Variants in SERPINA5 observed in about 807,000 individuals in gnomAD.
SERPINA5 encodes the protein plasma serine protease inhibitor.
Under a neutral mutation model 25.3 loss-of-function variants are expected in SERPINA5, and 25 were observed. That is an observed-to-expected ratio of 0.99 (90% CI 0.72 to 1.38). SERPINA5 has a LOEUF of 1.38. Ranked by LOEUF, SERPINA5 falls within the 40% of genes most tolerant of loss-of-function variation. The pLI, the probability that SERPINA5 is intolerant of heterozygous loss-of-function variation, is 0.00. For missense variants in SERPINA5, 599 were observed against 509.5 expected (o/e 1.18, Z -1.69); for synonymous variants, 234 against 206.2 (o/e 1.14, Z -1.16).
Position 94,592,451 on chromosome 14 carries a change from C to A in SERPINA5, c.*212C>A. 1 of 523,354 alleles carries A rather than the reference C, an allele frequency of 1.9e-6. No homozygotes were observed. The highest frequency in any genetic ancestry group is 3.3e-6 in the Non-Finnish European group (1 of 299,086). 32.4% of individuals were successfully genotyped at this position (523,354 alleles called of 1,614,324 possible). On this transcript the variant is annotated 3_prime_UTR_variant, in exon 6 of 6. Coordinates refer to ENST00000329597, the MANE Select transcript of SERPINA5 (RefSeq NM_000624.6). Reference sequence around the variant, plus strand: ...AAATGTGGAGAACATTCAATCTTGCCGTCACTATTCATCAATGAAGATTAA... The same window carrying A: ...AAATGTGGAGAACATTCAATCTTGCAGTCACTATTCATCAATGAAGATTAA...
At chr14:94,586,163 C>A (rs891631234) in intron 2 of SERPINA5, among the ~76,000 whole-genome samples, 1 of 152,126 alleles carries the variant, frequency 6.6e-6, no homozygotes, top group Admixed American at 6.5e-5. Flanking sequence ...AAGAGGAGGA[C>A]TGAAGGCCAA....
At chr14:94,589,599 T>C (rs932833177) in intron 3 of SERPINA5, among the ~76,000 whole-genome samples, 6 of 152,224 alleles carry the variant, frequency 3.9e-5, no homozygotes, top group Non-Finnish European at 1.5e-5. Context: ...AAACCATTCA[T>C]TTCCAGGATC....
At chr14:94,591,766 T>A (rs553603816) in intron 5 of SERPINA5, among the ~76,000 whole-genome samples, 52 of 152,224 alleles carry the variant, frequency 3.4e-4, no homozygotes, top group African/African-American at 1.2e-3. Flanking sequence ...AGCTATGTGA[T>A]CTCCAAAAAA....
At chr14:94,588,027 T>C (rs1452895050) in intron 3 of SERPINA5, 46 bp downstream of exon 3, 3 of 1,572,420 alleles carry the variant, frequency 1.9e-6, no homozygotes, top group Non-Finnish European at 2.6e-6. Flanking sequence ...GCTTTTCTGC[T>C]GCTTTTATCT....
chr14:94,588,236 G>T (rs900345680), intron 3 of SERPINA5, among the ~76,000 whole-genome samples: 2 of 152,046 alleles, frequency 1.3e-5, no homozygotes, highest in African/African-American at 2.4e-5. Flanking sequence ...GGGCCCCTGG[G>T]GACATCTGAA....
chr14:94,588,980 T>C (rs1246406172), intron 3 of SERPINA5, among the ~76,000 whole-genome samples: 2 of 152,130 alleles, frequency 1.3e-5, no homozygotes, highest in Non-Finnish European at 2.9e-5. Context: ...TTTCAACATA[T>C]GAACAATGTG....
intron 3 of SERPINA5, 58 bp from the exon 4 acceptor site, chr14:94,589,983 G>A (rs1355453152): frequency 1.2e-5 from 18 of 1,486,648 alleles, no homozygotes; most frequent in Non-Finnish European, 1.5e-5. Context: ...ATTTGCAGCT[G>A]AGAATTTCTA....
chr14:94,587,214 C>A, intron 2 of SERPINA5, 132 bp from the exon 3 acceptor site: 1 of 801,074 alleles, frequency 1.2e-6, no homozygotes, highest in Non-Finnish European at 2.0e-6. Context: ...CCCAGTCTTG[C>A]GGGTGCCATC....
chr14:94,590,221 T>G lies in SERPINA5; in HGVS notation c.800T>G (p.Phe267Cys). The stretch of plus-strand genomic sequence containing the variant: ...TACCAAGGCAATGCCACGGCTTTGT[T>G]CATTCTCCCCAGTGAGGGAAAGATG... ...VPYQGNATAL[F>C]ILPSEGKMQQ... The change falls in exon 4 of 6, where the codon TTC becomes TGC. Residue 267 changes from phenylalanine to cysteine, a missense_variant. Coordinates refer to ENST00000329597, the MANE Select transcript of SERPINA5 (RefSeq NM_000624.6). 6.2e-7 allele frequency: 1 copy of G among 1,614,050 alleles called. No homozygotes were observed. Among genetic ancestry groups the G allele is most frequent in the Non-Finnish European group, 8.5e-7 (1 of 1,179,932 alleles).
chr14:94,583,958 C>T (rs1011966621), intron 2 of SERPINA5, among the ~76,000 whole-genome samples: 28 of 152,178 alleles, frequency 1.8e-4, no homozygotes, highest in African/African-American at 5.5e-4. Flanking sequence ...AACTAAGAAA[C>T]GTAAAACAAG....
rs531284926 is a variant in SERPINA5, at chr14:94,581,649, C to G, written c.-79C>G. 1.3e-5 allele frequency: 2 copies of G among 152,322 alleles called. No homozygotes were observed. Among genetic ancestry groups the G allele is most frequent in the African/African-American group, 4.8e-5 (2 of 41,560 alleles). The allele number at this position is 152,322 out of a possible 1,614,324, so 9.4% of individuals were successfully genotyped here. A position where few individuals can be genotyped will look rare whatever the true frequency, so the allele number is the denominator to read the frequency against. On this transcript the variant is annotated 5_prime_UTR_variant, in exon 2 of 6. Coordinates refer to ENST00000329597, the MANE Select transcript of SERPINA5 (RefSeq NM_000624.6). ...TCCAAGGCAGCAGAGGTGAGTGGGT[C>G]CCCCGAGCTCTGTGACCTTATGCTC...
intron 2 of SERPINA5, among the ~76,000 whole-genome samples, chr14:94,583,041 A>G (rs1884963359): frequency 6.6e-6 from 1 of 152,148 alleles, no homozygotes; most frequent in Non-Finnish European, 1.5e-5. Flanking sequence ...AGAAACTGGG[A>G]AAAGAAGAGT....
In SERPINA5 at chr14:94,587,916, TG is replaced by T. The variant is rs753140193; in HGVS notation, c.556del (p.Asp186ThrfsTer12). The T allele has an allele frequency of 5.0e-6, 8 of 1,614,240 alleles. No individual in the cohort carries two copies. The highest frequency in any genetic ancestry group is 6.8e-6 in the Non-Finnish European group (8 of 1,180,050). On this transcript the variant is annotated frameshift_variant, in exon 3 of 6. Coordinates refer to ENST00000329597, the MANE Select transcript of SERPINA5 (RefSeq NM_000624.6). LOFTEE classifies it high-confidence loss of function. Reference protein sequence around the residue: ...YVAKQTKGKIVDLLKNLDSNA... With the variant: ...YVAKQTKGKIXDLLKNLDSNA... ...GCAAAGCAAACGAAGGGCAAGATTGTGGACTTGCTTAAGAACCTCGATAGCA... is the reference window on the plus strand; with the variant it reads ...GCAAAGCAAACGAAGGGCAAGATTGTGACTTGCTTAAGAACCTCGATAGCA...
intron 5 of SERPINA5, among the ~76,000 whole-genome samples, chr14:94,591,336 C>T (rs1263443375): frequency 6.8e-6 from 1 of 147,260 alleles, no homozygotes; most frequent in Non-Finnish European, 1.5e-5. Flanking sequence ...CACTCCATTC[C>T]ACTCCTCCAC....
rs1885236231 is a variant in SERPINA5 at position 94,590,285 on chromosome 14, G to A, written c.864G>A (p.Arg288=). The stretch of plus-strand genomic sequence containing the variant: ...ATGGACTGAGTGAGAAAACGCTGAG[G>A]AAGTGGCTTAAGATGTTCAAAAAGA... ...VENGLSEKTL[R]KWLKMFKKRQ... The change falls in exon 4 of 6, where the codon AGG becomes AGA. Residue 288 remains arginine, a synonymous_variant. Transcript: ENST00000329597. The A allele has an allele frequency of 6.2e-7, 1 of 1,609,054 alleles. No homozygotes were observed. The highest frequency in any genetic ancestry group is 1.7e-5 in the Admixed American group (1 of 59,812).
Position 94,590,134 on chromosome 14 carries a change from G to C in SERPINA5, c.713G>C (p.Arg238Pro). The C allele has an allele frequency of 1.2e-6, 2 of 1,614,082 alleles. No individual in the cohort carries two copies. Among genetic ancestry groups the C allele is most frequent in the Non-Finnish European group, 1.7e-6 (2 of 1,179,988 alleles). Reference protein sequence around the residue: ...ETVVRVPMMSREDQYHYLLDR... With the variant: ...ETVVRVPMMSPEDQYHYLLDR... ...GTGGTGCGGGTACCCATGATGAGCC[G>C]CGAGGATCAGTATCACTACCTCCTG... Residue 238 changes from arginine to proline, a missense_variant, in exon 4 of 6, where the codon CGC becomes CCC. Physicochemically the swap from Arg to Pro is moderately radical, Grantham distance 103 (BLOSUM62 -2). Coordinates refer to ENST00000329597, the MANE Select transcript of SERPINA5 (RefSeq NM_000624.6).
At chr14:94,581,985 A>T (rs1250887814) in intron 2 of SERPINA5, 2 of 152,220 alleles carry the variant, frequency 1.3e-5, no homozygotes, top group African/African-American at 4.8e-5. Flanking sequence ...TGTCGGCTGG[A>T]TAGGAGGTGC....
At chr14:94,591,107 T>TTCCAC (rs75220496) in intron 5 of SERPINA5, among the ~76,000 whole-genome samples, 12,124 of 118,898 alleles carry the variant, frequency 0.1, 621 homozygotes, top group Non-Finnish European at 0.15. Flanking sequence ...CTCTATTCAG[T>TTCCAC]TCCACTCCAC....
intron 2 of SERPINA5, among the ~76,000 whole-genome samples, chr14:94,586,420 C>T (rs1343591603): frequency 6.6e-6 from 1 of 152,192 alleles, no homozygotes; most frequent in South Asian, 2.1e-4. Flanking sequence ...CCTTGGCTCA[C>T]AGGTGGCTGC....
Sources: gnomAD v4.1 joint callset for allele counts (sites outside exome capture counted in the v4.1 genomes callset) on GRCh38, gnomAD v4.1.1 for gene constraint, MANE v1.5 for transcripts, NCBI Gene and HGNC (gene_info 2026-07-23, HGNC 2026-07-21) for gene names.